The following ADAMTS18 variants were observed in gnomAD, a reference collection of about 807,000 sequenced individuals.
ADAMTS18 encodes the protein ADAM metallopeptidase with thrombospondin type 1 motif 18, also known as A disintegrin and metalloproteinase with thrombospondin motifs 18.
A neutral mutation model predicts 165.9 loss-of-function variants in ADAMTS18; 157 were observed. The observed-to-expected ratio is 0.95, with a 90% CI of 0.83 to 1.08. The LOEUF is 1.08. ADAMTS18 is among the 50% of genes least tolerant of loss of function. The pLI is 0.00. For synonymous variants in ADAMTS18, 782 were observed against 578.2 expected (o/e 1.35, Z -5.06); for missense variants, 2,040 against 1,534.0 (o/e 1.33, Z -5.51).
At chr16:77,381,293 G>C (rs1188795678) in intron 3 of ADAMTS18, among the ~76,000 whole-genome samples, 2 of 151,160 alleles carry the variant, frequency 1.3e-5, no homozygotes, top group Non-Finnish European at 2.9e-5. Context: ...AAAGGTTCCA[G>C]AGAGGGTGGG....
At position 77,355,805 on chromosome 16, in the gene ADAMTS18, T is replaced by C. The variant is rs193010778; in HGVS notation, c.1460+135A>G. 1,616 of 1,077,738 alleles carry C rather than the reference T, an allele frequency of 1.5e-3. 4 individuals are homozygous for C. The highest frequency in any genetic ancestry group is 2.1e-3 in the Non-Finnish European group (1,472 of 706,970). 66.8% of individuals were successfully genotyped at this position (1,077,738 alleles called of 1,614,324 possible). ...ACAATGTCATCATCACCATCATCAT[T>C]ATCATCATCATTTGTCTTTCTGTTT... On this transcript the variant is annotated intron_variant, in intron 9 of 22. Transcript: ENST00000282849.
At chr16:77,370,652 A>C (rs2144750662) in intron 3 of ADAMTS18, among the ~76,000 whole-genome samples, 1 of 152,314 alleles carries the variant, frequency 6.6e-6, no homozygotes, top group South Asian at 2.1e-4. Flanking sequence ...CAGGAGGCTG[A>C]GACAGGAGAA....
chr16:77,340,603 C>T (rs769077551), intron 11 of ADAMTS18, among the ~76,000 whole-genome samples: 4 of 152,088 alleles, frequency 2.6e-5, no homozygotes, highest in Non-Finnish European at 4.4e-5. Context: ...TTTTTAGAGA[C>T]AGGGCCTAGC....
intron 10 of ADAMTS18, among the ~76,000 whole-genome samples, chr16:77,352,085 A>G (rs1197311300): frequency 6.6e-6 from 1 of 152,172 alleles, no homozygotes; most frequent in Non-Finnish European, 1.5e-5. Context: ...AGTAAGCTCC[A>G]TGTGTCATGA....
Position 77,411,313 on chromosome 16 carries a change from A to C in ADAMTS18, c.495+19982T>G, listed in dbSNP as rs117135448. Among the ~76,000 whole-genome samples, 1,348 of 152,324 alleles carry C rather than the reference A, an allele frequency of 8.8e-3. 13 individuals carry two copies. The highest frequency in any genetic ancestry group is 0.014 in the Non-Finnish European group (936 of 68,032). On this transcript the variant is annotated intron_variant, in intron 3 of 22. Coordinates refer to ENST00000282849, the MANE Select transcript of ADAMTS18 (RefSeq NM_199355.4). ...AAGACCTTTCCTGGCATTCTGTATG[A>C]AAGAACATGCTGGAGTCAGTCTCAT...
Position 77,434,727 on chromosome 16 carries a change from C to G in ADAMTS18, c.-32G>C. 1 of 1,410,572 alleles carries G rather than the reference C, an allele frequency of 7.1e-7. No individual in the cohort carries two copies. Among genetic ancestry groups the G allele is most frequent in the Non-Finnish European group, 9.2e-7 (1 of 1,082,454 alleles). The allele number at this position is 1,410,572 out of a possible 1,614,324, so 87.4% of individuals were successfully genotyped here. On this transcript the variant is annotated 5_prime_UTR_variant, in exon 1 of 23. Transcript: ENST00000282849. ...GTGCGGACGCGGCGGCTGCGGGTGGCCAGACGCGGCAGGCGGAGCGCACGG... is the reference window on the plus strand; with the variant it reads ...GTGCGGACGCGGCGGCTGCGGGTGGGCAGACGCGGCAGGCGGAGCGCACGG...
intron 13 of ADAMTS18, among the ~76,000 whole-genome samples, 174 bp downstream of exon 13, chr16:77,325,689 AAAC>A (rs1229108859): frequency 6.6e-6 from 1 of 151,910 alleles, no homozygotes; most frequent in Non-Finnish European, 1.5e-5. Flanking sequence ...AAAAAAAAAA[AAAC>A]AACAGTGGAA....
At chr16:77,401,389 T>C (rs746418083) in intron 3 of ADAMTS18, among the ~76,000 whole-genome samples, 6 of 152,236 alleles carry the variant, frequency 3.9e-5, no homozygotes, top group Admixed American at 6.5e-5. Flanking sequence ...TTTACTGAAA[T>C]TAATTCATCA....
intron 4 of ADAMTS18, among the ~76,000 whole-genome samples, chr16:77,365,097 G>C (rs2056774109): frequency 6.6e-6 from 1 of 152,118 alleles, no homozygotes; most frequent in South Asian, 2.1e-4. Context: ...TCTCCTTTAT[G>C]TCCTCAAAAG....
Position 77,283,869 on chromosome 16 carries a change from C to G in ADAMTS18, c.*87G>C. 5 of 1,042,682 alleles carry G rather than the reference C, an allele frequency of 4.8e-6. No individual in the cohort carries two copies. Among genetic ancestry groups the G allele is most frequent in the Middle Eastern group, 4.4e-4 (2 of 4,528 alleles). 64.6% of individuals were successfully genotyped at this position (1,042,682 alleles called of 1,614,324 possible). A position where few individuals can be genotyped will look rare whatever the true frequency, so the allele number is the denominator to read the frequency against. On this transcript the variant is annotated 3_prime_UTR_variant, in exon 23 of 23. Transcript: ENST00000282849. ...GGCAGCTCACAGATGGTTCTCGGTG[C>G]TCAGCTCCTGGTCTCAAAGGCAGCT...
chr16:77,320,187 G>C, intron 15 of ADAMTS18, 94 bp from the exon 16 acceptor site: 1 of 1,471,750 alleles, frequency 6.8e-7, no homozygotes, highest in African/African-American at 1.4e-5. Context: ...CAGTTTTATA[G>C]AGTGAGGTTT....
intron 3 of ADAMTS18, among the ~76,000 whole-genome samples, chr16:77,425,258 G>T (rs551604052): frequency 1.2e-3 from 182 of 152,232 alleles, no homozygotes; most frequent in African/African-American, 4.2e-3. Flanking sequence ...TTAATTGTTG[G>T]GGACAAAGAA....
chr16:77,365,740 G>T (rs567217955), intron 4 of ADAMTS18, among the ~76,000 whole-genome samples: 5 of 152,190 alleles, frequency 3.3e-5, no homozygotes, highest in Admixed American at 6.5e-5. Flanking sequence ...AACTAGTACA[G>T]AAATAGTTTA....
At chr16:77,326,725 A>G (rs990286899) in intron 12 of ADAMTS18, among the ~76,000 whole-genome samples, 3 of 152,232 alleles carry the variant, frequency 2.0e-5, no homozygotes, top group Non-Finnish European at 4.4e-5. Flanking sequence ...AAATTTTTTA[A>G]AACTTTTATT....
chr16:77,341,599 A>T, intron 11 of ADAMTS18, 105 bp downstream of exon 11: 3 of 899,796 alleles, frequency 3.3e-6, no homozygotes, highest in Non-Finnish European at 5.4e-6. Context: ...GAAGTCAGAG[A>T]ATATAAACTA....
intron 3 of ADAMTS18, among the ~76,000 whole-genome samples, chr16:77,393,785 A>C (rs1040545972): frequency 2.0e-5 from 3 of 152,246 alleles, no homozygotes; most frequent in African/African-American, 7.2e-5. Context: ...GACACCATCC[A>C]AACAAAACAC....
At chr16:77,285,682 A>ATTACTAACAGCTGG (rs1218524578) in intron 22 of ADAMTS18, among the ~76,000 whole-genome samples, 1 of 152,244 alleles carries the variant, frequency 6.6e-6, no homozygotes, top group East Asian at 1.9e-4. Context: ...TTTGATTATA[A>ATTACTAACAGCTGG]TTACTAACAG....
chr16:77,325,985 C>A lies in ADAMTS18; in HGVS notation c.1913G>T (p.Cys638Phe). The A allele has an allele frequency of 6.2e-7, 1 of 1,614,008 alleles. No homozygotes were observed. The highest frequency in any genetic ancestry group is 8.5e-7 in the Non-Finnish European group (1 of 1,179,974). Residue 638 changes from cysteine (C) to phenylalanine (F), a missense_variant, in exon 13 of 23, where the codon TGC becomes TTC. Transcript: ENST00000282849. ...CPGSSRIYQL[C>F]NINPCNENSL... Reference sequence around the variant, plus strand: ...ATTTTCATTGCAAGGGTTAATATTGCACAGCTGATAAATACGGCTAGAACC... The same window carrying A: ...ATTTTCATTGCAAGGGTTAATATTGAACAGCTGATAAATACGGCTAGAACC...
intron 3 of ADAMTS18, among the ~76,000 whole-genome samples, chr16:77,404,760 A>C (rs532703275): frequency 1.8e-4 from 27 of 152,244 alleles, no homozygotes; most frequent in African/African-American, 6.5e-4. Context: ...ATTCTATGCT[A>C]GGCTCTGAAG....
Sources: allele counts gnomAD v4.1 joint callset (sites outside exome capture counted in the v4.1 genomes callset), GRCh38; gene constraint gnomAD v4.1.1; transcripts MANE v1.5; gene names NCBI Gene and HGNC (gene_info 2026-07-23, HGNC 2026-07-21).